The following ATXN10 variants were observed in gnomAD, a reference collection of about 807,000 sequenced individuals.
ATXN10 encodes ataxin-10.
Under a neutral mutation model 52.9 loss-of-function variants are expected in ATXN10, and 28 were observed. That is an observed-to-expected ratio of 0.53 (90% CI 0.39 to 0.73). The LOEUF is 0.73. Among genes scored for constraint, ATXN10 ranks in the 30% least tolerant of loss-of-function variants. The pLI is 0.00. For synonymous variants in ATXN10, 226 were observed against 221.5 expected (o/e 1.02, Z -0.18); for missense variants, 565 against 577.0 (o/e 0.98, Z 0.21).
intron 3 of ATXN10, among the ~76,000 whole-genome samples, chr22:45,699,469 T>TC (rs1156361060): frequency 3.7e-5 from 5 of 134,288 alleles, no homozygotes; most frequent in Admixed American, 7.3e-5. Context: ...GTAGAAATCT[T>TC]TTTTTTTTTC....
At chr22:45,792,624 C>T (rs899875647) in intron 9 of ATXN10, 20 of 242,900 alleles carry the variant, frequency 8.2e-5, no homozygotes, top group African/African-American at 1.6e-4. Flanking sequence ...CAGTAGTTCA[C>T]GTATGTGAGA....
rs1219621363 is a variant in ATXN10 at position 45,733,014 on chromosome 22, TG to T, written c.894+3427del. Among the ~76,000 whole-genome samples, 1 of 152,252 alleles carries T rather than the reference TG, an allele frequency of 6.6e-6. No homozygotes were observed. The highest frequency in any genetic ancestry group is 2.4e-5 in the African/African-American group (1 of 41,468). ...ATACGTTTCTTTATAAAAATAGTTT[TG>T]GGTTCTCATGTTAATGTACTTATTC... On this transcript the variant is annotated intron_variant, in intron 7 of 11. Transcript: ENST00000252934. This position sits in a 1 kb window ranked among gnomAD's most constrained non-coding sequence, Gnocchi z 4.4.
At chr22:45,822,401 A>C (rs956582299) in intron 10 of ATXN10, among the ~76,000 whole-genome samples, 1 of 152,110 alleles carries the variant, frequency 6.6e-6, no homozygotes, top group Non-Finnish European at 1.5e-5. Context: ...CCTGTTTTCC[A>C]TCAGCAGTAT....
In ATXN10 at chr22:45,741,921, G is replaced by A. The variant is rs544456238; in HGVS notation, c.1173+1383G>A. Reference sequence around the variant, plus strand: ...TGAAAAGTCAGTTACAAAATCTTCCGTCTTTCTAGCTTGAAGAATCAAAGA... The same window carrying A: ...TGAAAAGTCAGTTACAAAATCTTCCATCTTTCTAGCTTGAAGAATCAAAGA... On this transcript the variant is annotated intron_variant, in intron 9 of 11. Transcript: ENST00000252934. Among the ~76,000 whole-genome samples the A allele has an allele frequency of 1.4e-4, 22 of 152,206 alleles. No individual in the cohort carries two copies. In the South Asian group the frequency reaches 2.3e-3, roughly 16 times the overall value.
chr22:45,689,954 G>T, intron 2 of ATXN10, 51 bp downstream of exon 2: 1 of 1,582,230 alleles, frequency 6.3e-7, no homozygotes, highest in Non-Finnish European at 8.7e-7. Flanking sequence ...GTGCATGCTG[G>T]TTCTGTCATT....
rs116692950 is a variant in ATXN10 at position 45,715,098 on chromosome 22, C to T, written c.648-3315C>T. Among the ~76,000 whole-genome samples the T allele has an allele frequency of 0.014, 2,198 of 152,260 alleles. 52 individuals carry two copies. Among genetic ancestry groups the T allele is most frequent in the African/African-American group, 0.05 (2,096 of 41,548 alleles). ...GTCCTTCCTTTACGATGTCTCAGTT[C>T]TACTATTTTAAGTCCTTGAGGATTT... On this transcript the variant is annotated intron_variant, in intron 5 of 11. Transcript: ENST00000252934. The surrounding 1 kb of genome is among the most constrained non-coding windows in gnomAD (Gnocchi z 4.4).
At chr22:45,799,516 T>C (rs886474944) in intron 9 of ATXN10, among the ~76,000 whole-genome samples, 4 of 152,126 alleles carry the variant, frequency 2.6e-5, no homozygotes, top group Non-Finnish European at 5.9e-5. Context: ...AGAATGAGAA[T>C]GTCATGTGAA....
rs897750240 is a variant in ATXN10 at position 45,843,312 on chromosome 22, G to T, written c.1425+134G>T. The stretch of plus-strand genomic sequence containing the variant: ...TGTGCCCTCTATAGTGGTTTACCGA[G>T]GAAAGCCCTAAAGATAGCTGCAAAC... On this transcript the variant is annotated intron_variant, in intron 11 of 11. Coordinates refer to ENST00000252934, the MANE Select transcript of ATXN10 (RefSeq NM_013236.4). This position sits in a 1 kb window ranked among gnomAD's most constrained non-coding sequence, Gnocchi z 4.5. The T allele has an allele frequency of 3.8e-6, 4 of 1,050,006 alleles. No individual in the cohort carries two copies. The highest frequency in any genetic ancestry group is 5.7e-6 in the Non-Finnish European group (4 of 702,898). 65.0% of individuals were successfully genotyped at this position (1,050,006 alleles called of 1,614,324 possible). A position where few individuals can be genotyped will look rare whatever the true frequency, so the allele number is the denominator to read the frequency against.
In ATXN10 at chr22:45,844,727, C is replaced by G. The variant is rs200783485; in HGVS notation, c.*1056C>G. ...AATGCTTAAAACATATTATTTTCTT[C>G]AACAACCATATCGCTAAACTAATAT... On this transcript the variant is annotated 3_prime_UTR_variant, in exon 12 of 12. Coordinates refer to ENST00000252934, the MANE Select transcript of ATXN10 (RefSeq NM_013236.4). The G allele has an allele frequency of 6.6e-6, 1 of 152,180 alleles. No homozygotes were observed. The highest frequency in any genetic ancestry group is 2.4e-5 in the African/African-American group (1 of 41,442). The allele number at this position is 152,180 out of a possible 1,614,324, so 9.4% of individuals were successfully genotyped here.
In ATXN10 at chr22:45,690,003, TG is replaced by T; in HGVS notation, c.308+102del. On this transcript the variant is annotated intron_variant, in intron 2 of 11. Coordinates refer to ENST00000252934, the MANE Select transcript of ATXN10 (RefSeq NM_013236.4). This position sits in a 1 kb window ranked among gnomAD's most constrained non-coding sequence, Gnocchi z 4.5. ...AGAAGTTGTTTTGGGCTGGGTAAGG[TG>T]GCTCATGCCTGTAATCCCAGCATTT... The T allele has an allele frequency of 3.1e-6, 4 of 1,274,488 alleles. No homozygotes were observed. Among genetic ancestry groups the T allele is most frequent in the Non-Finnish European group, 4.5e-6 (4 of 894,026 alleles). 78.9% of individuals were successfully genotyped at this position (1,274,488 alleles called of 1,614,324 possible). A position where few individuals can be genotyped will look rare whatever the true frequency, so the allele number is the denominator to read the frequency against.
chr22:45,778,176 T>C (rs1254219991), intron 9 of ATXN10, among the ~76,000 whole-genome samples: 3 of 152,216 alleles, frequency 2.0e-5, no homozygotes, highest in Non-Finnish European at 4.4e-5. Flanking sequence ...GTAGTTTGAA[T>C]CCCAGCTGTG....
chr22:45,778,848 A>G (rs1008310389), intron 9 of ATXN10, among the ~76,000 whole-genome samples: 1 of 152,192 alleles, frequency 6.6e-6, no homozygotes, highest in Non-Finnish European at 1.5e-5. Context: ...TATACATTCA[A>G]TTTTGATAAT....
At position 45,689,809 on chromosome 22, in the gene ATXN10, G is replaced by A; in HGVS notation, c.214G>A (p.Glu72Lys). ...ELACRDPSQVENLASSLQLIT... is the reference protein window; with the variant it reads ...ELACRDPSQVKNLASSLQLIT... ...TGCCTGCAGAGATCCATCCCAAGTG[G>A]AAAACCTGGCTTCCAGTCTGCAGTT... The change falls in exon 2 of 12, where the codon GAA (glutamate) becomes AAA (lysine). Residue 72 changes from glutamate (E) to lysine (K), a missense_variant. Transcript: ENST00000252934. 1 of 1,614,228 alleles carries A rather than the reference G, an allele frequency of 6.2e-7. No homozygotes were observed. Among genetic ancestry groups the A allele is most frequent in the South Asian group, 1.1e-5 (1 of 91,082 alleles).
At chr22:45,726,461 G>T (rs748748069) in intron 6 of ATXN10, among the ~76,000 whole-genome samples, 1 of 152,042 alleles carries the variant, frequency 6.6e-6, no homozygotes, top group African/African-American at 2.4e-5. Context: ...GGTATTCATA[G>T]TGTCCTTAAA....
rs945511951 is a variant in ATXN10, at chr22:45,819,824, C to T, written c.1237+12802C>T. The stretch of plus-strand genomic sequence containing the variant: ...TTGGATACGTTGAGAAAGTTAATAC[C>T]TTTTTAAATTGCGAAACTTAAATAC... On this transcript the variant is annotated intron_variant, in intron 10 of 11. Transcript: ENST00000252934. The surrounding 1 kb of genome is among the most constrained non-coding windows in gnomAD (Gnocchi z 4.5). Among the ~76,000 whole-genome samples the T allele has an allele frequency of 1.3e-5, 2 of 151,980 alleles. No homozygotes were observed. Among genetic ancestry groups the T allele is most frequent in the African/African-American group, 2.4e-5 (1 of 41,344 alleles).
rs888526011 is a variant in ATXN10 at position 45,708,274 on chromosome 22, G to A, written c.647+5427G>A. 2.6e-5 allele frequency among the ~76,000 whole-genome samples: 4 copies of A among 152,198 alleles called. No individual in the cohort carries two copies. Among genetic ancestry groups the A allele is most frequent in the African/African-American group, 9.7e-5 (4 of 41,426 alleles). ...ATCTAAATCTGAAAGTCCAGTAAATGTGCACTGGTAGGTTAGGTCAGTCAG... is the reference window on the plus strand; with the variant it reads ...ATCTAAATCTGAAAGTCCAGTAAATATGCACTGGTAGGTTAGGTCAGTCAG... On this transcript the variant is annotated intron_variant, in intron 5 of 11. Transcript: ENST00000252934. The surrounding 1 kb of genome is among the most constrained non-coding windows in gnomAD (Gnocchi z 5.3).
chr22:45,777,273 T>TA (rs1364708106), intron 9 of ATXN10, among the ~76,000 whole-genome samples: 1 of 152,222 alleles, frequency 6.6e-6, no homozygotes, highest in Non-Finnish European at 1.5e-5. Context: ...ATGTCGTTGT[T>TA]ACCATAGCTG....
In ATXN10 at chr22:45,790,894, G is replaced by A. The variant is rs184962870; in HGVS notation, c.1174-16065G>A. Among the ~76,000 whole-genome samples the A allele has an allele frequency of 1.5e-3, 221 of 151,284 alleles. 1 individual carries two copies. The highest frequency in any genetic ancestry group is 5.0e-3 in the African/African-American group (207 of 41,184). On this transcript the variant is annotated intron_variant, in intron 9 of 11. Coordinates refer to ENST00000252934, the MANE Select transcript of ATXN10 (RefSeq NM_013236.4). The surrounding 1 kb of genome is among the most constrained non-coding windows in gnomAD (Gnocchi z 4.7). ...GAGCCTCTCTCTCCCTCTCTCTGTC[G>A]CCCAATCTGCAGTGCAGTGGCACAG...
chr22:45,806,231 G>T (rs1454538358), intron 9 of ATXN10, among the ~76,000 whole-genome samples: 1 of 152,174 alleles, frequency 6.6e-6, no homozygotes, highest in East Asian at 1.9e-4. Context: ...TTTGTTGTCA[G>T]ACTTGGTTAT....
Sources: allele counts gnomAD v4.1 joint callset (sites outside exome capture counted in the v4.1 genomes callset), GRCh38; gene constraint gnomAD v4.1.1; non-coding constraint Gnocchi (gnomAD v3.1); transcripts MANE v1.5; gene names NCBI Gene and HGNC (gene_info 2026-07-23, HGNC 2026-07-21).